Variants in UBE2S observed in about 807,000 individuals in gnomAD.
The protein encoded by UBE2S is ubiquitin-conjugating enzyme E2 S.
UBE2S carries 3 observed loss-of-function variants against 12.3 expected under a neutral mutation model. The ratio of observed to expected loss-of-function variants is 0.24; its 90% CI spans 0.11 to 0.63. The LOEUF is 0.63. Among genes scored for constraint, UBE2S ranks in the 30% least tolerant of loss-of-function variants. The pLI, the probability that UBE2S is intolerant of heterozygous loss-of-function variation, is 0.85. For missense variants in UBE2S, 211 were observed against 313.9 expected, an observed-to-expected ratio of 0.67 and a Z score of 2.48; for synonymous variants, 133 against 142.0, an observed-to-expected ratio of 0.94 and a Z score of 0.45.
chr19:55,403,228 A>G (rs865979592), intron 3 of UBE2S: 5 of 617,414 alleles, frequency 8.1e-6, no homozygotes, highest in Middle Eastern at 4.0e-4. Flanking sequence ...ATCGCTATTA[A>G]AAAACCACTG....
intron 1 of UBE2S, 103 bp downstream of exon 1, chr19:55,407,484 C>A: frequency 1.5e-6 from 2 of 1,299,456 alleles, no homozygotes; most frequent in Non-Finnish European, 2.1e-6. Context: ...CCCAGGCTGG[C>A]CCTCAAACCC....
At position 55,404,621 on chromosome 19, in the gene UBE2S, T is replaced by C; in HGVS notation, c.152-143A>G. ...GCCAACAGACTGGAGGATTCTTTTTTTCTTTTTTTGAAATAAGGTCTCTTG... is the reference window on the plus strand; with the variant it reads ...GCCAACAGACTGGAGGATTCTTTTTCTCTTTTTTTGAAATAAGGTCTCTTG... On this transcript the variant is annotated intron_variant, in intron 2 of 3. Coordinates refer to ENST00000264552, the MANE Select transcript of UBE2S (RefSeq NM_014501.3). The surrounding 1 kb of genome is among the most constrained non-coding windows in gnomAD (Gnocchi z 4.4). 1 of 762,402 alleles carries C rather than the reference T, an allele frequency of 1.3e-6. No homozygotes were observed. Among genetic ancestry groups the C allele is most frequent in the Non-Finnish European group, 2.1e-6 (1 of 477,810 alleles). The allele number at this position is 762,402 out of a possible 1,614,324, so 47.2% of individuals were successfully genotyped here. A position where few individuals can be genotyped will look rare whatever the true frequency, so the allele number is the denominator to read the frequency against.
intron 3 of UBE2S, chr19:55,403,375 G>A (rs1295961986): frequency 5.1e-6 from 2 of 391,054 alleles, no homozygotes; most frequent in Admixed American, 4.2e-5. Flanking sequence ...TGTAATACCA[G>A]CCATTCAGGA....
At chr19:55,402,813 G>A (rs2090070588) in intron 3 of UBE2S, 1 of 711,534 alleles carries the variant, frequency 1.4e-6, no homozygotes, top group African/African-American at 1.8e-5. Flanking sequence ...TGGGAGGGAA[G>A]GGTTTGGGGT....
chr19:55,404,202 A>G lies in UBE2S; in HGVS notation c.342+86T>C, dbSNP rs1405027336. The G allele has an allele frequency of 1.3e-6, 2 of 1,553,396 alleles. No homozygotes were observed. Among genetic ancestry groups the G allele is most frequent in the Admixed American group, 3.6e-5 (2 of 55,134 alleles). ...TTCAACCACTTCAGAGTTGATTCAGAAAAACTAAACAAAGCGCTATGGCTC... is the reference window on the plus strand; with the variant it reads ...TTCAACCACTTCAGAGTTGATTCAGGAAAACTAAACAAAGCGCTATGGCTC... On this transcript the variant is annotated intron_variant, in intron 3 of 3. Transcript: ENST00000264552. The surrounding 1 kb of genome is among the most constrained non-coding windows in gnomAD (Gnocchi z 4.4).
intron 3 of UBE2S, chr19:55,403,154 A>G: frequency 6.9e-6 from 5 of 720,742 alleles, no homozygotes; most frequent in Non-Finnish European, 1.2e-5. Context: ...GTCTCCTGAC[A>G]ATGCATAATA....
At position 55,401,523 on chromosome 19, in the gene UBE2S, G is replaced by A. The variant is rs200147639; in HGVS notation, c.582C>T (p.Pro194=). 1,675 of 1,610,410 alleles carry A rather than the reference G, an allele frequency of 1.0e-3. 2 individuals carry two copies. The highest frequency in any genetic ancestry group is 3.8e-3 in the East Asian group (170 of 44,848). The change falls in exon 4 of 4, where the codon CCC becomes CCT. Residue 194 remains proline, a synonymous_variant. Coordinates refer to ENST00000264552, the MANE Select transcript of UBE2S (RefSeq NM_014501.3). The part of the protein sequence containing the change: ...APGGPGGAEG[P]MAKKHAGERD... The stretch of plus-strand genomic sequence containing the variant: ...GCTCGCCAGCATGCTTCTTGGCCAT[G>A]GGACCCTCAGCCCCTCCCGGGCCCC...
chr19:55,402,589 C>G (rs978529208), intron 3 of UBE2S, among the ~76,000 whole-genome samples: 1 of 152,194 alleles, frequency 6.6e-6, no homozygotes, highest in Admixed American at 6.5e-5. Flanking sequence ...CCTGGCTCAG[C>G]AGATGCTCAG....
In UBE2S at chr19:55,400,593, T is replaced by C. The variant is rs1242068566; in HGVS notation, c.*843A>G. On this transcript the variant is annotated 3_prime_UTR_variant, in exon 4 of 4. Coordinates refer to ENST00000264552, the MANE Select transcript of UBE2S (RefSeq NM_014501.3). ...CCAAGGAGGGGCAGCTTCTTGGAGCTAAGACCCTAGTTCTACGAGGACTGA... is the reference window on the plus strand; with the variant it reads ...CCAAGGAGGGGCAGCTTCTTGGAGCCAAGACCCTAGTTCTACGAGGACTGA... 6.6e-6 allele frequency: 1 copy of C among 152,356 alleles called. No homozygotes were observed. The highest frequency in any genetic ancestry group is 1.9e-4 in the East Asian group (1 of 5,178). 9.4% of individuals were successfully genotyped at this position (152,356 alleles called of 1,614,324 possible). A position where few individuals can be genotyped will look rare whatever the true frequency, so the allele number is the denominator to read the frequency against.
chr19:55,405,187 G>A (rs1330047868), intron 2 of UBE2S, among the ~76,000 whole-genome samples: 2 of 125,714 alleles, frequency 1.6e-5, no homozygotes, highest in African/African-American at 6.3e-5. Flanking sequence ...TCCAGCCTGG[G>A]CAACAAGAGC....
intron 3 of UBE2S, chr19:55,403,235 A>G (rs2090074259): frequency 1.6e-6 from 1 of 611,760 alleles, no homozygotes; most frequent in African/African-American, 1.8e-5. Flanking sequence ...TTAAAAAACC[A>G]CTGAACTGTA....
chr19:55,407,743 A>C lies in UBE2S; in HGVS notation c.-154T>G, dbSNP rs1373058943. The C allele has an allele frequency of 2.0e-6, 1 of 498,944 alleles. No homozygotes were observed. The highest frequency in any genetic ancestry group is 3.1e-6 in the Non-Finnish European group (1 of 325,358). The allele number at this position is 498,944 out of a possible 1,614,324, so 30.9% of individuals were successfully genotyped here. On this transcript the variant is annotated 5_prime_UTR_variant, in exon 1 of 4. Transcript: ENST00000264552. ...CCGCTGCCTCCGACGTCCGCCGCGC[A>C]CAGCGTAGACCAACCCGCCGCCCCG... is the stretch of plus-strand genomic sequence containing the variant.
intron 3 of UBE2S, chr19:55,402,922 G>C (rs1429068856): frequency 6.6e-7 from 1 of 1,524,738 alleles, no homozygotes; most frequent in Non-Finnish European, 8.8e-7. Flanking sequence ...TAGAAATTTG[G>C]TTAACTTTTT....
Position 55,401,646 on chromosome 19 carries a change from C to G in UBE2S, c.459G>C (p.Glu153Asp). 3 of 1,609,008 alleles carry G rather than the reference C, an allele frequency of 1.9e-6. No homozygotes were observed. Among genetic ancestry groups the G allele is most frequent in the Non-Finnish European group, 2.5e-6 (3 of 1,178,360 alleles). ...TGGGCCCGCCGGCGCCCCCGTGGAT[C>G]TCTGTGAGCAGACGGGCCCGAGCCG... ...EYAARARLLT[E>D]IHGGAGGPSG... Residue 153 changes from glutamate to aspartate, a missense_variant, in exon 4 of 4, where the codon GAG becomes GAC. Physicochemically the swap from Glu to Asp is conservative, Grantham distance 45 (BLOSUM62 2). This residue lies in a region of UBE2S where 127 missense variants were observed against 224.0 expected (regional missense o/e 0.57). Coordinates refer to ENST00000264552, the MANE Select transcript of UBE2S (RefSeq NM_014501.3).
chr19:55,400,271 C>G lies in UBE2S; in HGVS notation c.*1165G>C, dbSNP rs892882190. 2.0e-5 allele frequency: 3 copies of G among 152,206 alleles called. No homozygotes were observed. The highest frequency in any genetic ancestry group is 4.4e-5 in the Non-Finnish European group (3 of 68,044). 9.4% of individuals were successfully genotyped at this position (152,206 alleles called of 1,614,324 possible). ...AACTCCTGGCCTCAAGTGATCCTTTCACCTCCTAAAGTTGGGATTACAGGC... is the reference window on the plus strand; with the variant it reads ...AACTCCTGGCCTCAAGTGATCCTTTGACCTCCTAAAGTTGGGATTACAGGC... On this transcript the variant is annotated 3_prime_UTR_variant, in exon 4 of 4. Coordinates refer to ENST00000264552, the MANE Select transcript of UBE2S (RefSeq NM_014501.3).
intron 3 of UBE2S, 111 bp from the exon 4 acceptor site, chr19:55,401,873 T>C (rs1344512615): frequency 2.5e-6 from 3 of 1,181,668 alleles, no homozygotes; most frequent in African/African-American, 1.5e-5. Context: ...CCAACTCAGC[T>C]GCAGATCCAG....
Position 55,401,157 on chromosome 19 carries a change from C to T in UBE2S, c.*279G>A, listed in dbSNP as rs1600316966. The T allele has an allele frequency of 5.9e-6, 3 of 504,888 alleles. No homozygotes were observed. The East Asian group carries it at 1.1e-4, about 18-fold the overall frequency. 31.3% of individuals were successfully genotyped at this position (504,888 alleles called of 1,614,324 possible). On this transcript the variant is annotated 3_prime_UTR_variant, in exon 4 of 4. Transcript: ENST00000264552. ...AACCTCAAACAGCAAGGCTGGTGAG[C>T]TAGATGGACCCACTGCTGCAGTCCA...
At chr19:55,406,715 C>T (rs757729306) in intron 2 of UBE2S, 100 bp downstream of exon 2, 2 of 1,466,292 alleles carry the variant, frequency 1.4e-6, no homozygotes, top group South Asian at 1.4e-5. Flanking sequence ...ACACCTGACA[C>T]GAGGCCAGCC....
Position 55,401,463 on chromosome 19 carries a change from G to A in UBE2S, c.642C>T (p.Asp214=), listed in dbSNP as rs1437987468. The A allele has an allele frequency of 1.2e-5, 19 of 1,606,944 alleles. No individual in the cohort carries two copies. The highest frequency in any genetic ancestry group is 7.7e-5 in the South Asian group (7 of 90,954). The change falls in exon 4 of 4, where the codon GAC becomes GAT. Residue 214 remains aspartate, a synonymous_variant. Transcript: ENST00000264552. ...DKKLAAKKKT[D]KKRALRRL ...ACAGCCGCCGCAGCGCCCGCTTCTT[G>A]TCCGTCTTTTTCTTGGCCGCCAGCT...
Sources: gnomAD v4.1 joint callset for allele counts (sites outside exome capture counted in the v4.1 genomes callset) on GRCh38, gnomAD v4.1.1 for gene constraint, gnomAD v4.1.1 regional missense constraint, Gnocchi (gnomAD v3.1) non-coding constraint, MANE v1.5 for transcripts, NCBI Gene and HGNC (gene_info 2026-07-23, HGNC 2026-07-21) for gene names.